NUDCD3: variants seen among roughly 807,000 people sequenced by gnomAD.
NUDCD3 encodes nudC domain-containing protein 3.
NUDCD3 carries 13 observed loss-of-function variants against 39.7 expected under a neutral mutation model. That is an observed-to-expected ratio of 0.33 (90% CI 0.21 to 0.52). The LOEUF is 0.52. Ranked by LOEUF, NUDCD3 falls within the 20% of genes least tolerant of loss-of-function variation. The pLI, the probability that NUDCD3 is intolerant of heterozygous loss-of-function variation, is 0.96. For synonymous variants in NUDCD3, 175 were observed against 172.4 expected (o/e 1.02, Z -0.12); for missense variants, 453 against 458.1 (o/e 0.99, Z 0.10).
chr7:44,414,294 G>T (rs2116885853), intron 3 of NUDCD3, among the ~76,000 whole-genome samples: 2 of 152,292 alleles, frequency 1.3e-5, no homozygotes, highest in South Asian at 4.1e-4. Context: ...GGGATGGTGG[G>T]TTTGGGGCAC....
rs1210566905 is a variant in NUDCD3 at position 44,440,392 on chromosome 7, C to G, written c.510-12689G>C. On this transcript the variant is annotated intron_variant, in intron 2 of 5. Transcript: ENST00000355451. ...AATCAAAAGAAGATGGAAATTGCCA[C>G]AGACTGAAGGTGACGAGAACATAAT... Among the ~76,000 whole-genome samples, 3 of 148,704 alleles carry G rather than the reference C, an allele frequency of 2.0e-5. No homozygotes were observed. In the Admixed American group the frequency reaches 2.1e-4, roughly 10 times the overall value.
rs145584498 is a variant in NUDCD3 at position 44,401,429 on chromosome 7, C to T, written c.786+3011G>A. On this transcript the variant is annotated intron_variant, in intron 4 of 5. Coordinates refer to ENST00000355451, the MANE Select transcript of NUDCD3 (RefSeq NM_015332.4). ...GTTTCTGTGATATACTCTGTGTTTA[C>T]TGCAGTAGAGGCTACGTGGTCCAGA... is the stretch of plus-strand genomic sequence containing the variant. Among the ~76,000 whole-genome samples, 354 of 152,342 alleles carry T rather than the reference C, an allele frequency of 2.3e-3. 2 individuals are homozygous for T. Among genetic ancestry groups the T allele is most frequent in the African/African-American group, 7.9e-3 (328 of 41,568 alleles).
At chr7:44,415,354 A>G (rs964246182) in intron 3 of NUDCD3, among the ~76,000 whole-genome samples, 1 of 152,234 alleles carries the variant, frequency 6.6e-6, no homozygotes, top group Admixed American at 6.5e-5. Flanking sequence ...AGAGGGAGTC[A>G]GCTGCTTTTC....
chr7:44,429,436 G>A lies in NUDCD3; in HGVS notation c.510-1733C>T, dbSNP rs982801826. On this transcript the variant is annotated intron_variant, in intron 2 of 5. Transcript: ENST00000355451. ...TATAGGCCAAAAAACGTCAAGGACC[G>A]CAGGCCACCACCTAAAGCTGGAAGA... is the stretch of plus-strand genomic sequence containing the variant. Among the ~76,000 whole-genome samples, 11 of 152,270 alleles carry A rather than the reference G, an allele frequency of 7.2e-5. No homozygotes were observed. The East Asian group carries it at 1.9e-3, about 27-fold the overall frequency.
intron 5 of NUDCD3, among the ~76,000 whole-genome samples, chr7:44,391,852 T>A (rs1177128926): frequency 6.6e-6 from 1 of 152,188 alleles, no homozygotes; most frequent in Non-Finnish European, 1.5e-5. Context: ...ACTGCTGACA[T>A]CACAGAGTCT....
At chr7:44,473,688 T>C (rs1036457204) in intron 2 of NUDCD3, among the ~76,000 whole-genome samples, 13 of 152,312 alleles carry the variant, frequency 8.5e-5, no homozygotes, top group Middle Eastern at 3.4e-3. Context: ...AGAACCTGCT[T>C]CTATTACATA....
At chr7:44,444,084 A>G (rs1027468151) in intron 2 of NUDCD3, among the ~76,000 whole-genome samples, 1 of 152,214 alleles carries the variant, frequency 6.6e-6, no homozygotes, top group African/African-American at 2.4e-5. Context: ...AGCTTTTTCT[A>G]TGAGCAAAAC....
At chr7:44,414,033 T>C (rs1277159227) in intron 3 of NUDCD3, among the ~76,000 whole-genome samples, 1 of 145,604 alleles carries the variant, frequency 6.9e-6, no homozygotes, top group Non-Finnish European at 1.5e-5. Context: ...AAACCCTGTC[T>C]CAAAAAAAAA....
chr7:44,478,094 A>G (rs752247134), intron 2 of NUDCD3, among the ~76,000 whole-genome samples: 12 of 152,156 alleles, frequency 7.9e-5, no homozygotes, highest in Non-Finnish European at 1.6e-4. Context: ...TCGGCCTCTA[A>G]CAGTGCTGAG....
chr7:44,392,464 C>T lies in NUDCD3; in HGVS notation c.808G>A (p.Glu270Lys), dbSNP rs145712203. The T allele has an allele frequency of 5.0e-6, 8 of 1,614,100 alleles. No individual in the cohort carries two copies. Among genetic ancestry groups the T allele is most frequent in the African/African-American group, 2.7e-5 (2 of 75,044 alleles). ...TCCAGGATGGCGTTCCACCAATACT[C>T]GCCCACCTTGCTCAGGTTCACCTGG... ...CVLVNLSKVG[E>K]YWWNAILEGE... The change falls in exon 5 of 6, where the codon GAG (glutamate) becomes AAG (lysine). Residue 270 changes from glutamate to lysine, a missense_variant. Transcript: ENST00000355451.
At chr7:44,448,778 AAGAG>A (rs760907160) in intron 2 of NUDCD3, among the ~76,000 whole-genome samples, 10 of 151,996 alleles carry the variant, frequency 6.6e-5, no homozygotes, top group African/African-American at 2.4e-4. Flanking sequence ...AGAATACAGA[AAGAG>A]AGAGAGAGAA....
intron 4 of NUDCD3, among the ~76,000 whole-genome samples, chr7:44,401,400 CAA>C (rs1404958732): frequency 1.3e-5 from 2 of 152,172 alleles, no homozygotes; most frequent in Non-Finnish European, 2.9e-5. Context: ...CTGTAAACAG[CAA>C]AGTTTCTGTG....
intron 2 of NUDCD3, chr7:44,468,053 A>C (rs1361751387): frequency 6.2e-7 from 1 of 1,612,960 alleles, no homozygotes; most frequent in Non-Finnish European, 8.5e-7. Context: ...CAAGGGCCAG[A>C]TCTTGATGCC....
intron 5 of NUDCD3, among the ~76,000 whole-genome samples, chr7:44,391,738 A>T (rs1021507749): frequency 1.5e-4 from 23 of 152,230 alleles, no homozygotes; most frequent in African/African-American, 5.3e-4. Context: ...ATAGGAAGAA[A>T]GAATGTATAC....
At chr7:44,486,750 G>A (rs769271833) in intron 1 of NUDCD3, among the ~76,000 whole-genome samples, 2 of 152,068 alleles carry the variant, frequency 1.3e-5, no homozygotes, top group Non-Finnish European at 2.9e-5. Context: ...CTGAGACTTC[G>A]AACACAGAAC....
chr7:44,447,599 A>G (rs1394335230), intron 2 of NUDCD3, among the ~76,000 whole-genome samples: 1 of 152,214 alleles, frequency 6.6e-6, no homozygotes, highest in Non-Finnish European at 1.5e-5. Context: ...AGAAGCAGAG[A>G]GCCCTCACTT....
rs1798295691 is a variant in NUDCD3 at position 44,380,955 on chromosome 7, G to C, written c.*5056C>G. ...CTGTCTCTGCAGTAAGAAGGGCTTG[G>C]GGCAGTGCTCCGCTGGCAGGCAGAC... On this transcript the variant is annotated 3_prime_UTR_variant, in exon 6 of 6. Transcript: ENST00000355451. 6.6e-6 allele frequency: 1 copy of C among 152,350 alleles called. No individual in the cohort carries two copies. The highest frequency in any genetic ancestry group is 2.4e-5 in the African/African-American group (1 of 41,472). The allele number at this position is 152,350 out of a possible 1,614,324, so 9.4% of individuals were successfully genotyped here. A position where few individuals can be genotyped will look rare whatever the true frequency, so the allele number is the denominator to read the frequency against.
chr7:44,453,196 T>C (rs1799827173), intron 2 of NUDCD3, among the ~76,000 whole-genome samples: 1 of 151,836 alleles, frequency 6.6e-6, no homozygotes, highest in Non-Finnish European at 1.5e-5. Context: ...CTACTAAAAA[T>C]ACAAAAATTA....
chr7:44,402,432 G>A (rs906260819), intron 4 of NUDCD3, among the ~76,000 whole-genome samples: 6 of 152,130 alleles, frequency 3.9e-5, no homozygotes, highest in South Asian at 2.1e-4. Context: ...AGTTACTTCC[G>A]TCAACAAAAC....
Sources: allele counts gnomAD v4.1 joint callset (sites outside exome capture counted in the v4.1 genomes callset), GRCh38; gene constraint gnomAD v4.1.1; transcripts MANE v1.5; gene names NCBI Gene and HGNC (gene_info 2026-07-23, HGNC 2026-07-21).